The following USP43 variants were observed in gnomAD, a reference collection of about 807,000 sequenced individuals.
The protein encoded by USP43 is ubiquitin specific peptidase 43, also known as ubiquitin carboxyl-terminal hydrolase 43.
USP43 carries 33 observed loss-of-function variants against 90.7 expected under a neutral mutation model. The observed-to-expected ratio is 0.36, with a 90% CI of 0.28 to 0.49. USP43 has a LOEUF of 0.49. USP43 is among the 20% of genes least tolerant of loss of function. The probability of loss-of-function intolerance (pLI) is 0.98; values close to 1 mark genes in which losing one functional copy is unlikely to be tolerated. For synonymous variants in USP43, 598 were observed against 615.8 expected (o/e 0.97, Z 0.43); for missense variants, 1,274 against 1,476.4 (o/e 0.86, Z 2.25).
At chr17:9,681,461 ATTATATATATATATATATATATATAT>A (rs1914250482) in intron 6 of USP43, among the ~76,000 whole-genome samples, 1 of 65,038 alleles carries the variant, frequency 1.5e-5, no homozygotes, top group Non-Finnish European at 3.0e-5. Flanking sequence ...TATAAAATAT[ATTATATATATATATATATATATATAT>A]ATATATATAT....
chr17:9,692,415 T>C (rs1289323769), intron 8 of USP43, among the ~76,000 whole-genome samples: 10 of 152,290 alleles, frequency 6.6e-5, no homozygotes, highest in Non-Finnish European at 1.3e-4. Flanking sequence ...TACCTCAGCG[T>C]TGTCTTGATT....
At position 9,700,223 on chromosome 17, in the gene USP43, G is replaced by C. The variant is rs1036284261; in HGVS notation, c.1509G>C (p.Val503=). ...PGGPPHVKLA[V]EWDSSVKERL... ...GCCCTCCACATGTCAAGCTGGCGGT[G>C]GAGTGGGATAGCTCTGTCAAGGAGC... Residue 503 remains valine, a synonymous_variant, in exon 10 of 15, where the codon GTG becomes GTC. Transcript: ENST00000285199. 7 of 1,604,874 alleles carry C rather than the reference G, an allele frequency of 4.4e-6. No homozygotes were observed. Among genetic ancestry groups the C allele is most frequent in the Admixed American group, 3.4e-5 (2 of 58,598 alleles).
rs552658101 is a variant in USP43, at chr17:9,651,758, A to T, written c.505-4645A>T. ...GAGACTTGGCTTTTTAAAAACAAGGATGCCTTCTTCACCACTCTTGTGTTT... is the reference window on the plus strand; with the variant it reads ...GAGACTTGGCTTTTTAAAAACAAGGTTGCCTTCTTCACCACTCTTGTGTTT... On this transcript the variant is annotated intron_variant, in intron 1 of 14. Coordinates refer to ENST00000285199, the MANE Select transcript of USP43 (RefSeq NM_153210.5). Among the ~76,000 whole-genome samples, 13 of 152,338 alleles carry T rather than the reference A, an allele frequency of 8.5e-5. No individual in the cohort carries two copies. The South Asian group carries it at 2.7e-3, about 32-fold the overall frequency.
chr17:9,649,246 G>A (rs1567643624), intron 1 of USP43, among the ~76,000 whole-genome samples: 1 of 152,166 alleles, frequency 6.6e-6, no homozygotes, highest in Admixed American at 6.5e-5. Flanking sequence ...GGCGGAGGTT[G>A]CAGTGAGCCG....
chr17:9,647,881 C>T (rs1416908912), intron 1 of USP43, among the ~76,000 whole-genome samples: 2 of 148,640 alleles, frequency 1.3e-5, no homozygotes, highest in African/African-American at 2.5e-5. Context: ...ATTAGCCGGA[C>T]GTGGTGGCGG....
At chr17:9,661,558 A>G (rs985846056) in intron 2 of USP43, among the ~76,000 whole-genome samples, 6 of 152,026 alleles carry the variant, frequency 3.9e-5, no homozygotes, top group African/African-American at 1.5e-4. Context: ...AGGTCTCACT[A>G]TGTTGTCCAG....
At chr17:9,662,404 C>G (rs1010756191) in intron 2 of USP43, among the ~76,000 whole-genome samples, 3 of 152,194 alleles carry the variant, frequency 2.0e-5, no homozygotes, top group Non-Finnish European at 4.4e-5. Context: ...GCATGCCCAT[C>G]CCAAACCCAC....
intron 14 of USP43, among the ~76,000 whole-genome samples, chr17:9,718,794 C>A (rs544601732): frequency 2.6e-4 from 40 of 151,426 alleles, no homozygotes; most frequent in Admixed American, 1.3e-3. Context: ...GAGCTGAGAT[C>A]GTGCCATTGC....
chr17:9,707,562 G>T (rs920306839), intron 12 of USP43, among the ~76,000 whole-genome samples: 6 of 150,828 alleles, frequency 4.0e-5, no homozygotes, highest in African/African-American at 1.5e-4. Context: ...CAGGAGAATG[G>T]CGTGAACCCG....
chr17:9,661,432 C>T (rs1011796313), intron 2 of USP43, among the ~76,000 whole-genome samples: 1 of 152,152 alleles, frequency 6.6e-6, no homozygotes, highest in Non-Finnish European at 1.5e-5. Flanking sequence ...TCATAGCTCA[C>T]TGCAGTCTTG....
chr17:9,669,804 A>C lies in USP43; in HGVS notation c.740+3053A>C, dbSNP rs1380835068. ...GAGGACACAGCACAGGCAAAGGGCC[A>C]GAAGTGGGAATAATCCTGGCAAGTT... On this transcript the variant is annotated intron_variant, in intron 3 of 14. Coordinates refer to ENST00000285199, the MANE Select transcript of USP43 (RefSeq NM_153210.5). The C allele has an allele frequency of 2.6e-5, 4 of 152,568 alleles. 1 individual carries two copies. The highest frequency in any genetic ancestry group is 5.9e-5 in the Non-Finnish European group (4 of 68,340). The allele number at this position is 152,568 out of a possible 1,614,324, so 9.5% of individuals were successfully genotyped here. A position where few individuals can be genotyped will look rare whatever the true frequency, so the allele number is the denominator to read the frequency against.
chr17:9,689,556 C>A (rs926697758), intron 8 of USP43, among the ~76,000 whole-genome samples: 33 of 152,036 alleles, frequency 2.2e-4, no homozygotes, highest in African/African-American at 8.0e-4. Context: ...GGACTACAAG[C>A]ACCTGCCATC....
rs1053371155 is a variant in USP43 at position 9,686,948 on chromosome 17, T to G, written c.1353+39T>G. 3.2e-6 allele frequency: 5 copies of G among 1,564,154 alleles called. No individual in the cohort carries two copies. The highest frequency in any genetic ancestry group is 4.4e-6 in the Non-Finnish European group (5 of 1,140,866). On this transcript the variant is annotated intron_variant, in intron 8 of 14. Coordinates refer to ENST00000285199, the MANE Select transcript of USP43 (RefSeq NM_153210.5). The surrounding 1 kb of genome is among the most constrained non-coding windows in gnomAD (Gnocchi z 5.5). ...ATGCGTGTGTGTGTGTGTGCGTGCA[T>G]GCGCATGTGCATGCGTGTGTGTGGG... is the stretch of plus-strand genomic sequence containing the variant.
At chr17:9,692,897 G>A (rs1431684200) in intron 8 of USP43, among the ~76,000 whole-genome samples, 1 of 152,120 alleles carries the variant, frequency 6.6e-6, no homozygotes, top group Non-Finnish European at 1.5e-5. Context: ...TTGGGGGGAA[G>A]ATGTAACATA....
At chr17:9,670,185 T>C (rs1040851374) in intron 3 of USP43, among the ~76,000 whole-genome samples, 6 of 152,060 alleles carry the variant, frequency 3.9e-5, no homozygotes, top group Admixed American at 3.3e-4. Flanking sequence ...ACTACAGGCG[T>C]GTGCCACCAT....
intron 2 of USP43, 135 bp downstream of exon 2, chr17:9,656,669 C>A: frequency 8.8e-7 from 1 of 1,131,362 alleles, no homozygotes; most frequent in African/African-American, 1.6e-5. Flanking sequence ...TATCCACAGT[C>A]TGTTCCCTGC....
chr17:9,728,848 G>A lies in USP43; in HGVS notation c.3230G>A (p.Ser1077Asn), dbSNP rs773900052. Residue 1077 changes from serine to asparagine, a missense_variant, in exon 15 of 15, where the codon AGC (serine) becomes AAC (asparagine). This residue lies in a region of USP43 where 353 missense variants were observed against 329.7 expected (regional missense o/e 1.07). Transcript: ENST00000285199. The surrounding 1 kb of genome is among the most constrained non-coding windows in gnomAD (Gnocchi z 6.2). ...TCTCTCCGCCTCCCTCGTAAAGCCA[G>A]CAGGGCCCCGAGAGGCAGTGCACTG... Reference protein sequence around the residue: ...PSSLRLPRKASRAPRGSALGM... With the variant: ...PSSLRLPRKANRAPRGSALGM... 4.3e-5 allele frequency: 69 copies of A among 1,613,950 alleles called. No individual in the cohort carries two copies. The highest frequency in any genetic ancestry group is 5.6e-5 in the Non-Finnish European group (66 of 1,179,876).
intron 14 of USP43, among the ~76,000 whole-genome samples, chr17:9,721,158 G>A (rs1333001441): frequency 6.6e-6 from 1 of 152,122 alleles, no homozygotes; most frequent in Non-Finnish European, 1.5e-5. Flanking sequence ...AAAAAAAATG[G>A]CTAGGAGTCC....
chr17:9,689,233 G>A (rs563732920), intron 8 of USP43, among the ~76,000 whole-genome samples: 16 of 152,202 alleles, frequency 1.1e-4, no homozygotes, highest in African/African-American at 3.9e-4. Context: ...CATTTGAAGA[G>A]AATATATTCA....
Sources: allele counts gnomAD v4.1 joint callset (sites outside exome capture counted in the v4.1 genomes callset), GRCh38; gene constraint gnomAD v4.1.1; regional missense constraint gnomAD v4.1.1; non-coding constraint Gnocchi (gnomAD v3.1); transcripts MANE v1.5; gene names NCBI Gene and HGNC (gene_info 2026-07-23, HGNC 2026-07-21).